The following TIAM1 variants were observed in gnomAD, a reference collection of about 807,000 sequenced individuals.
TIAM1 encodes TIAM Rac1 associated GEF 1.
A neutral mutation model predicts 163.5 loss-of-function variants in TIAM1; 65 were observed. The ratio of observed to expected loss-of-function variants is 0.40; its 90% CI spans 0.33 to 0.49. The LOEUF (loss-of-function observed/expected upper bound fraction) is 0.49, where lower values mean the gene tolerates loss of function less well. Among genes scored for constraint, TIAM1 ranks in the 20% least tolerant of loss-of-function variants. The probability of loss-of-function intolerance (pLI) is 0.77; values close to 1 mark genes in which losing one functional copy is unlikely to be tolerated. For synonymous variants in TIAM1, 833 were observed against 810.1 expected (o/e 1.03, Z -0.48); for missense variants, 1,789 against 2,044.7 (o/e 0.87, Z 2.41).
At chr21:31,182,371 C>T (rs751035661) in intron 15 of TIAM1, 50 bp downstream of exon 15, 68 of 1,426,846 alleles carry the variant, frequency 4.8e-5, no homozygotes, top group South Asian at 6.2e-5. Flanking sequence ...CTCCCCGGGT[C>T]GTGGCACAAC....
rs191929072 is a variant in TIAM1 at position 31,403,567 on chromosome 21, G to T, written c.-369+60416C>A. Among the ~76,000 whole-genome samples the T allele has an allele frequency of 1.1e-3, 163 of 152,228 alleles. 1 individual carries two copies. The highest frequency in any genetic ancestry group is 3.9e-3 in the African/African-American group (160 of 41,534). On this transcript the variant is annotated intron_variant, in intron 2 of 28. Coordinates refer to the TIAM1 transcript ENST00000286827. ...GCTGTTTTTCAGCTATTCAGGTAGCGCTACAGAACAAGGCCAGTCTGACTC... is the reference window on the plus strand; with the variant it reads ...GCTGTTTTTCAGCTATTCAGGTAGCTCTACAGAACAAGGCCAGTCTGACTC...
Position 31,176,729 on chromosome 21 carries a change from A to C in TIAM1, c.2887+5692T>G, listed in dbSNP as rs144221045. 3.3e-4 allele frequency among the ~76,000 whole-genome samples: 50 copies of C among 152,308 alleles called. 1 individual carries two copies. The East Asian group carries it at 9.5e-3, about 29-fold the overall frequency. On this transcript the variant is annotated intron_variant, in intron 15 of 27. Transcript: ENST00000541036. ...TATAGAAGGTTTGCATGTCACCGTA[A>C]AATTCCAATTATCTTATGATTCCAC...
chr21:31,196,457 G>A (rs573467333), intron 12 of TIAM1, among the ~76,000 whole-genome samples: 7 of 149,502 alleles, frequency 4.7e-5, no homozygotes, highest in South Asian at 2.1e-4. Context: ...GATTACAGGC[G>A]TTTGCTACCA....
chr21:31,173,677 A>G (rs2084629615), intron 15 of TIAM1, among the ~76,000 whole-genome samples: 1 of 152,224 alleles, frequency 6.6e-6, no homozygotes, highest in Non-Finnish European at 1.5e-5. Flanking sequence ...TTAAAATTCC[A>G]TTAAAACTGT....
intron 2 of TIAM1, among the ~76,000 whole-genome samples, chr21:31,405,153 C>A (rs182282010): frequency 3.1e-4 from 47 of 152,222 alleles, no homozygotes; most frequent in Admixed American, 1.0e-3. Flanking sequence ...AGGCTAAAGG[C>A]AGGAGGATCA....
chr21:31,392,060 A>G (rs987685975), intron 2 of TIAM1, among the ~76,000 whole-genome samples: 5 of 152,204 alleles, frequency 3.3e-5, no homozygotes, highest in Non-Finnish European at 5.9e-5. Context: ...GGCTAATGTA[A>G]GTGTTTTGAG....
intron 1 of TIAM1, among the ~76,000 whole-genome samples, chr21:31,481,772 T>G (rs1218410099): frequency 6.6e-6 from 1 of 152,136 alleles, no homozygotes; most frequent in Non-Finnish European, 1.5e-5. Flanking sequence ...CACCAACATG[T>G]GTTCACCAAC....
chr21:31,519,305 CAAA>C lies in TIAM1; in HGVS notation c.-422+39619_-422+39621del, dbSNP rs369132676. ...GGGCAACAAGAGTGAAACTCTGTCT[CAAA>C]AAAAAAAAAAAAAAAAAAAAGAAAC... is the stretch of plus-strand genomic sequence containing the variant. On this transcript the variant is annotated intron_variant, in intron 1 of 28. Transcript: ENST00000286827. 1.5e-4 allele frequency among the ~76,000 whole-genome samples: 8 copies of C among 53,118 alleles called. No individual in the cohort carries two copies. The South Asian group carries it at 2.8e-3, about 19-fold the overall frequency. The allele number at this position is 53,118 out of a possible 152,430, so 34.8% of individuals were successfully genotyped here. A position where few individuals can be genotyped will look rare whatever the true frequency, so the allele number is the denominator to read the frequency against.
chr21:31,285,500 G>C (rs1023614687), intron 2 of TIAM1, among the ~76,000 whole-genome samples: 2 of 152,160 alleles, frequency 1.3e-5, no homozygotes, highest in Non-Finnish European at 2.9e-5. Context: ...TTTCACCTTG[G>C]GGCTGTCTCT....
chr21:31,167,911 G>C (rs1233656106), intron 15 of TIAM1, among the ~76,000 whole-genome samples: 3 of 152,120 alleles, frequency 2.0e-5, no homozygotes, highest in Non-Finnish European at 4.4e-5. Flanking sequence ...AGTTAGAAGT[G>C]AATGTCCCAC....
chr21:31,472,802 C>T (rs2045793944), intron 1 of TIAM1, among the ~76,000 whole-genome samples: 1 of 152,214 alleles, frequency 6.6e-6, no homozygotes, highest in African/African-American at 2.4e-5. Flanking sequence ...CAGCATCTAG[C>T]TAACAAGATT....
At chr21:31,382,224 C>T (rs1422660971) in intron 2 of TIAM1, among the ~76,000 whole-genome samples, 7 of 152,194 alleles carry the variant, frequency 4.6e-5, no homozygotes, top group African/African-American at 1.4e-4. Flanking sequence ...ACCTCTGGGG[C>T]TAGATGTTTG....
intron 2 of TIAM1, among the ~76,000 whole-genome samples, chr21:31,386,417 G>T (rs1302047523): frequency 1.3e-5 from 2 of 152,040 alleles, no homozygotes; most frequent in African/African-American, 4.8e-5. Flanking sequence ...AAAAGCAAAA[G>T]CAAAATCAAA....
chr21:31,162,889 T>G lies in TIAM1; in HGVS notation c.2991+2073A>C, dbSNP rs537581770. On this transcript the variant is annotated intron_variant, in intron 16 of 27. Transcript: ENST00000541036. ...TATATTTGACCCTTCATGTTCCAGA[T>G]AAGTTCAAGAGCCTTGTTCTCTGGA... Among the ~76,000 whole-genome samples, 4 of 152,292 alleles carry G rather than the reference T, an allele frequency of 2.6e-5. No individual in the cohort carries two copies. The South Asian group carries it at 8.3e-4, about 32-fold the overall frequency.
At chr21:31,472,171 A>G (rs2045767342) in intron 1 of TIAM1, among the ~76,000 whole-genome samples, 1 of 152,166 alleles carries the variant, frequency 6.6e-6, no homozygotes, top group Admixed American at 6.5e-5. Flanking sequence ...ATAAATCAGG[A>G]TGATCATAAT....
In TIAM1 at chr21:31,251,674, G is replaced by A. The variant is rs2071810915; in HGVS notation, c.1411+68C>T. ...ACAACAACAAACCCACCCATCCCGT[G>A]AGTATGTGCACAACGGGGCACCTCT... On this transcript the variant is annotated intron_variant, in intron 5 of 27. Coordinates refer to ENST00000541036, the MANE Select transcript of TIAM1 (RefSeq NM_001353694.2). 4 of 1,456,160 alleles carry A rather than the reference G, an allele frequency of 2.7e-6. No individual in the cohort carries two copies. The South Asian group carries it at 5.4e-5, about 20-fold the overall frequency. 90.2% of individuals were successfully genotyped at this position (1,456,160 alleles called of 1,614,324 possible).
chr21:31,200,901 A>G (rs2086164146), intron 12 of TIAM1, among the ~76,000 whole-genome samples: 1 of 152,208 alleles, frequency 6.6e-6, no homozygotes, highest in Non-Finnish European at 1.5e-5. Flanking sequence ...ACCTTCTGCA[A>G]CAGGCCAAGA....
At chr21:31,522,085 A>G (rs544148916) in intron 1 of TIAM1, among the ~76,000 whole-genome samples, 4 of 151,770 alleles carry the variant, frequency 2.6e-5, no homozygotes, top group Non-Finnish European at 2.9e-5. Context: ...GTTAACCAGG[A>G]TGGTCTCAAT....
rs140361249 is a variant in TIAM1, at chr21:31,475,004, T to C, written c.-421-10969A>G. Among the ~76,000 whole-genome samples, 589 of 149,984 alleles carry C rather than the reference T, an allele frequency of 3.9e-3. 5 individuals are homozygous for C. The highest frequency in any genetic ancestry group is 0.013 in the African/African-American group (550 of 40,854). ...ATTTGAATTGCAGCCGCTCCACATA[T>C]AAGTTGCTGTGAGCTAGTTTTTTAT... On this transcript the variant is annotated intron_variant, in intron 1 of 28. Transcript: ENST00000286827.
Sources: allele counts gnomAD v4.1 joint callset (sites outside exome capture counted in the v4.1 genomes callset), GRCh38; gene constraint gnomAD v4.1.1; transcripts MANE v1.5; gene names NCBI Gene and HGNC (gene_info 2026-07-23, HGNC 2026-07-21).